The following FRMPD2 variants were observed in gnomAD, a reference collection of about 807,000 sequenced individuals.
FRMPD2 encodes the protein FERM and PDZ domain containing 2.
In FRMPD2, 96 loss-of-function variants were observed where a neutral mutation model predicts 140.1. The observed-to-expected ratio is 0.69, with a 90% CI of 0.58 to 0.81. The LOEUF is 0.81. Among genes scored for constraint, FRMPD2 ranks in the 40% least tolerant of loss-of-function variants. The pLI, the probability that FRMPD2 is intolerant of heterozygous loss-of-function variation, is 0.00. For synonymous variants in FRMPD2, 449 were observed against 547.6 expected (o/e 0.82, Z 2.52); for missense variants, 1,240 against 1,447.4 (o/e 0.86, Z 2.32).
At chr10:48,176,448 C>T (rs1405220765) in intron 22 of FRMPD2, 1 of 155,096 alleles carries the variant, frequency 6.4e-6, no homozygotes, top group Non-Finnish European at 1.4e-5. Context: ...ATTCCACCAG[C>T]TATATTTGGC....
intron 16 of FRMPD2, among the ~76,000 whole-genome samples, chr10:48,192,172 G>A (rs1324620296): frequency 6.6e-6 from 1 of 152,216 alleles, no homozygotes; most frequent in East Asian, 1.9e-4. Context: ...ATGAGAGGTT[G>A]GCCCTAGAGT....
At chr10:48,174,819 T>C (rs1323188767) in intron 24 of FRMPD2, 51 bp downstream of exon 24, 26 of 706,958 alleles carry the variant, frequency 3.7e-5, no homozygotes, top group Non-Finnish European at 6.5e-5. Flanking sequence ...TCTGATGTTG[T>C]TCAGGAAAGT....
chr10:48,201,488 C>T, intron 14 of FRMPD2, 104 bp from the exon 15 acceptor site: 2 of 987,200 alleles, frequency 2.0e-6, no homozygotes, highest in Non-Finnish European at 3.0e-6. Context: ...CACCCTGTAG[C>T]AGGCATCCAC....
Position 48,185,007 on chromosome 10 carries a change from C to G in FRMPD2, c.2360-126G>C, listed in dbSNP as rs566521784. On this transcript the variant is annotated intron_variant, in intron 18 of 28. Transcript: ENST00000374201. ...CATTAGCTGATAGTTACAGTCAGGTCTTCTGATCCTCAAATAGAGGATCTT... is the reference window on the plus strand; with the variant it reads ...CATTAGCTGATAGTTACAGTCAGGTGTTCTGATCCTCAAATAGAGGATCTT... 7.8e-6 allele frequency: 5 copies of G among 638,638 alleles called. No individual in the cohort carries two copies. In the African/African-American group the frequency reaches 9.2e-5, roughly 12 times the overall value. The allele number at this position is 638,638 out of a possible 1,614,324, so 39.6% of individuals were successfully genotyped here.
chr10:48,188,314 G>A (rs1259544375), intron 16 of FRMPD2, among the ~76,000 whole-genome samples: 6 of 152,224 alleles, frequency 3.9e-5, no homozygotes, highest in African/African-American at 1.4e-4. Flanking sequence ...GTGCAAAGAG[G>A]CTGCAGCCAG....
intron 4 of FRMPD2, among the ~76,000 whole-genome samples, chr10:48,244,027 A>G (rs1840185928): frequency 1.3e-5 from 2 of 152,126 alleles, no homozygotes; most frequent in Non-Finnish European, 2.9e-5. Flanking sequence ...CCCAGGCTGG[A>G]GTGCAGTGGT....
At chr10:48,255,174 T>C (rs1840464674) in intron 1 of FRMPD2, among the ~76,000 whole-genome samples, 1 of 152,104 alleles carries the variant, frequency 6.6e-6, no homozygotes. Context: ...GACTCCACTA[T>C]CTGAAGGCTT....
chr10:48,221,306 G>C (rs1839582068), intron 12 of FRMPD2, among the ~76,000 whole-genome samples: 2 of 152,308 alleles, frequency 1.3e-5, no homozygotes, highest in Admixed American at 1.3e-4. Context: ...TGGAATTAGA[G>C]ACCATTATTC....
intron 2 of FRMPD2, among the ~76,000 whole-genome samples, chr10:48,250,719 T>C (rs1438528911): frequency 6.6e-6 from 1 of 151,686 alleles, no homozygotes; most frequent in Non-Finnish European, 1.5e-5. Flanking sequence ...TTCTTATGCC[T>C]TACAGTTGCT....
At chr10:48,216,245 A>G (rs572066408) in intron 12 of FRMPD2, among the ~76,000 whole-genome samples, 1 of 152,334 alleles carries the variant, frequency 6.6e-6, no homozygotes, top group East Asian at 1.9e-4. Flanking sequence ...GATGACAGAT[A>G]GATAATAGAC....
intron 28 of FRMPD2, among the ~76,000 whole-genome samples, chr10:48,161,902 T>G (rs1276204604): frequency 6.6e-6 from 1 of 150,574 alleles, no homozygotes; most frequent in Non-Finnish European, 1.5e-5. Flanking sequence ...TTAAAGGCAC[T>G]TGGCAAGTCA....
At chr10:48,254,877 G>T (rs1345179205) in intron 1 of FRMPD2, among the ~76,000 whole-genome samples, 1 of 152,206 alleles carries the variant, frequency 6.6e-6, no homozygotes, top group Non-Finnish European at 1.5e-5. Flanking sequence ...ACTTTATGGG[G>T]CCTGTAATCT....
chr10:48,223,374 G>A, intron 10 of FRMPD2, 104 bp from the exon 11 acceptor site: 2 of 1,151,226 alleles, frequency 1.7e-6, no homozygotes, highest in South Asian at 3.2e-5. Context: ...ACACGAGCTG[G>A]GTGAGTGCAG....
At chr10:48,224,714 A>G (rs1839684419) in intron 10 of FRMPD2, among the ~76,000 whole-genome samples, 1 of 152,210 alleles carries the variant, frequency 6.6e-6, no homozygotes, top group Admixed American at 6.5e-5. Context: ...CTAGCTAGGC[A>G]GGTGTAAAAT....
rs770249167 is a variant in FRMPD2, at chr10:48,212,124, T to C, written c.1456-15A>G. ...CTCTCCACCTGCTGGAAGTAAGATG[T>C]AGAAGGGAAGGGCACAATCCAGACA... On this transcript the variant is annotated splice_polypyrimidine_tract_variant and intron_variant, in intron 12 of 28. Coordinates refer to ENST00000374201, the MANE Select transcript of FRMPD2 (RefSeq NM_001018071.4). The C allele has an allele frequency of 6.2e-7, 1 of 1,613,314 alleles. No homozygotes were observed. Among genetic ancestry groups the C allele is most frequent in the Non-Finnish European group, 8.5e-7 (1 of 1,179,596 alleles).
intron 15 of FRMPD2, among the ~76,000 whole-genome samples, chr10:48,200,281 T>C (rs903555869): frequency 3.0e-4 from 46 of 152,250 alleles, no homozygotes; most frequent in African/African-American, 9.6e-4. Context: ...CTGTTTAACA[T>C]TGGGACTTGC....
intron 10 of FRMPD2, among the ~76,000 whole-genome samples, chr10:48,231,751 T>A (rs2131924175): frequency 6.6e-6 from 1 of 152,334 alleles, no homozygotes; most frequent in Admixed American, 6.5e-5. Flanking sequence ...ATATTTAGAA[T>A]GGAGTCTTAA....
At chr10:48,244,065 C>T (rs1270652522) in intron 4 of FRMPD2, among the ~76,000 whole-genome samples, 1 of 152,254 alleles carries the variant, frequency 6.6e-6, no homozygotes, top group Non-Finnish European at 1.5e-5. Context: ...CAACCTTCCC[C>T]TCCCGGCCCC....
Position 48,201,359 on chromosome 10 carries a change from C to G in FRMPD2, c.1823G>C (p.Ser608Thr), listed in dbSNP as rs759305886. 3.7e-6 allele frequency: 6 copies of G among 1,613,688 alleles called. No homozygotes were observed. The South Asian group carries it at 6.6e-5, about 18-fold the overall frequency. The change falls in exon 15 of 29, where the codon AGT (serine) becomes ACT (threonine). Residue 608 changes from serine (S) to threonine (T), a missense_variant. Transcript: ENST00000374201. ...TYQKKFTITSSVTGKKHTFVT... is the reference protein window; with the variant it reads ...TYQKKFTITSTVTGKKHTFVT... The stretch of plus-strand genomic sequence containing the variant: ...AAATGTGTGCTTCTTCCCAGTGACA[C>G]TGCTTGTGATGGTGAACTTTTTTTG...
Sources: gnomAD v4.1 joint callset for allele counts (sites outside exome capture counted in the v4.1 genomes callset) on GRCh38, gnomAD v4.1.1 for gene constraint, MANE v1.5 for transcripts, NCBI Gene and HGNC (gene_info 2026-07-23, HGNC 2026-07-21) for gene names.